Variants in GLIS3 observed in about 807,000 individuals in gnomAD.
GLIS3 encodes zinc finger protein GLIS3.
A neutral mutation model predicts 78.6 loss-of-function variants in GLIS3; 53 were observed. That is an observed-to-expected ratio of 0.67 (90% CI 0.54 to 0.85). GLIS3 has a LOEUF of 0.85. GLIS3 is among the 40% of genes least tolerant of loss of function. The probability of loss-of-function intolerance (pLI) is 0.00; values close to 1 mark genes in which losing one functional copy is unlikely to be tolerated. For missense variants in GLIS3, 1,703 were observed against 1,231.1 expected (o/e 1.38, Z -5.74); for synonymous variants, 684 against 509.9 (o/e 1.34, Z -4.60).
intron 2 of GLIS3, among the ~76,000 whole-genome samples, chr9:4,276,554 G>GACGGA (rs1827043213): frequency 8.5e-6 from 1 of 117,728 alleles, no homozygotes; most frequent in Non-Finnish European, 1.8e-5. Flanking sequence ...AAGGGGAGGG[G>GACGGA]AGGGGAGGGG....
At chr9:4,317,372 A>T (rs1817451563) in intron 2 of GLIS3, among the ~76,000 whole-genome samples, 1 of 152,208 alleles carries the variant, frequency 6.6e-6, no homozygotes, top group South Asian at 2.1e-4. Context: ...CGATTTAATC[A>T]CTGTGGGATG....
At chr9:4,369,465 G>A in the GLIS3 span, among the ~76,000 whole-genome samples, 1 of 152,200 alleles carries the variant, frequency 6.6e-6, no homozygotes, top group Non-Finnish European at 1.5e-5. Flanking sequence ...CTGTTATATA[G>A]TTTCTAGGAC....
chr9:4,202,680 C>G (rs981257280), intron 2 of GLIS3, among the ~76,000 whole-genome samples: 9 of 152,070 alleles, frequency 5.9e-5, no homozygotes, highest in African/African-American at 1.9e-4. Context: ...CTGTAACCAT[C>G]AGATCTTTGA....
intron 4 of GLIS3, among the ~76,000 whole-genome samples, chr9:3,953,071 GT>G (rs1360046319): frequency 6.6e-6 from 1 of 152,016 alleles, no homozygotes. Flanking sequence ...ACCACTTCTT[GT>G]TTTTTTCTGG....
intron 4 of GLIS3, among the ~76,000 whole-genome samples, chr9:3,965,610 C>A (rs1817883382): frequency 6.6e-6 from 1 of 152,170 alleles, no homozygotes; most frequent in Admixed American, 6.6e-5. Context: ...AAGGTTTAAA[C>A]CTTCTAACCT....
rs377041226 is a variant in GLIS3 at position 4,009,332 on chromosome 9, A to T, written c.1711-72143T>A. On this transcript the variant is annotated intron_variant, in intron 4 of 10. Transcript: ENST00000381971. ...TTATTGTTTATTGTGACAGCCGACAAGCCAGCTGGCACAGATCACTCCTCA... is the reference window on the plus strand; with the variant it reads ...TTATTGTTTATTGTGACAGCCGACATGCCAGCTGGCACAGATCACTCCTCA... 5.3e-5 allele frequency among the ~76,000 whole-genome samples: 8 copies of T among 152,192 alleles called. No homozygotes were observed. The East Asian group carries it at 1.3e-3, about 26-fold the overall frequency.
At position 4,321,346 on chromosome 9, in the gene GLIS3, C is replaced by T. The variant is rs1408089768; in HGVS notation, n.265-10818G>A. ...CTGAGGCAGGAGAATGGCGTGAACC[C>T]AGGAGGCGGAGCTTGCAGGGAGCCG... On this transcript the variant is annotated intron_variant and non_coding_transcript_variant, in intron 2 of 4. Coordinates refer to the GLIS3 transcript ENST00000471664. Among the ~76,000 whole-genome samples the T allele has an allele frequency of 3.3e-5, 4 of 119,858 alleles. 1 individual carries two copies. The highest frequency in any genetic ancestry group is 1.8e-4 in the Admixed American group (2 of 11,106). The allele number at this position is 119,858 out of a possible 152,430, so 78.6% of individuals were successfully genotyped here. A position where few individuals can be genotyped will look rare whatever the true frequency, so the allele number is the denominator to read the frequency against.
At chr9:4,285,955 C>G (rs1827951199) in intron 2 of GLIS3, 83 bp downstream of exon 2, 1 of 1,504,180 alleles carries the variant, frequency 6.6e-7, no homozygotes, top group Non-Finnish European at 9.2e-7. Flanking sequence ...ATGTATTTTT[C>G]CATAGGATTT....
intron 6 of GLIS3, among the ~76,000 whole-genome samples, chr9:3,913,941 G>A (rs563071696): frequency 4.6e-5 from 7 of 152,200 alleles, no homozygotes; most frequent in Admixed American, 2.6e-4. Flanking sequence ...ATGAGCCAAT[G>A]GCTGCTGAGT....
intron 2 of GLIS3, among the ~76,000 whole-genome samples, chr9:4,249,447 G>T (rs1172602610): frequency 1.3e-5 from 2 of 152,176 alleles, no homozygotes; most frequent in Non-Finnish European, 2.9e-5. Flanking sequence ...AGGAATGCTT[G>T]TGATTTCTGC....
At chr9:3,892,101 G>T (rs985416529) in intron 7 of GLIS3, among the ~76,000 whole-genome samples, 2 of 152,074 alleles carry the variant, frequency 1.3e-5, no homozygotes, top group African/African-American at 4.8e-5. Flanking sequence ...GAAACGCCAG[G>T]GTAAGACTCA....
chr9:4,193,578 G>A (rs1264968700), intron 2 of GLIS3, among the ~76,000 whole-genome samples: 1 of 152,190 alleles, frequency 6.6e-6, no homozygotes, highest in Admixed American at 6.5e-5. Flanking sequence ...GGAATGCAAA[G>A]GGCAGGGCAG....
chr9:3,961,976 A>T (rs1483179332), intron 4 of GLIS3, among the ~76,000 whole-genome samples: 1 of 152,186 alleles, frequency 6.6e-6, no homozygotes, highest in Non-Finnish European at 1.5e-5. Context: ...AGGCCGAGGC[A>T]GGCGGATTGC....
intron 4 of GLIS3, among the ~76,000 whole-genome samples, chr9:4,040,003 AG>A (rs1824665153): frequency 6.6e-6 from 1 of 152,226 alleles, no homozygotes; most frequent in Non-Finnish European, 1.5e-5. Context: ...AGGAGAGCCA[AG>A]AGAAGTCCTA....
At chr9:4,370,167 G>C in the GLIS3 span, among the ~76,000 whole-genome samples, 1 of 113,724 alleles carries the variant, frequency 8.8e-6, no homozygotes, top group Non-Finnish European at 1.6e-5. Flanking sequence ...CTAGGCGACA[G>C]AGCAAGACTC....
intron 4 of GLIS3, among the ~76,000 whole-genome samples, chr9:3,966,897 G>A (rs188269707): frequency 1.1e-4 from 17 of 150,506 alleles, no homozygotes; most frequent in Admixed American, 1.1e-3. Flanking sequence ...ACTGAGGTCT[G>A]CAACTCTCAC....
At chr9:4,395,044 A>C in the GLIS3 span, among the ~76,000 whole-genome samples, 1 of 152,196 alleles carries the variant, frequency 6.6e-6, no homozygotes, top group Non-Finnish European at 1.5e-5. Context: ...AGTATCTATA[A>C]TGGTGTACAA....
chr9:3,887,653 G>C (rs1332404144), intron 7 of GLIS3, among the ~76,000 whole-genome samples: 3 of 152,144 alleles, frequency 2.0e-5, no homozygotes, highest in Non-Finnish European at 2.9e-5. Flanking sequence ...GTGTGGAAGA[G>C]GATACAGGTT....
intron 3 of GLIS3, chr9:4,123,850 G>C (rs1487232632): frequency 5.0e-6 from 2 of 398,138 alleles, no homozygotes; most frequent in Non-Finnish European, 4.4e-6. Flanking sequence ...ATTTTCTACA[G>C]TGAATAAGAA....
Sources: gnomAD v4.1 joint callset for allele counts (sites outside exome capture counted in the v4.1 genomes callset) on GRCh38, gnomAD v4.1.1 for gene constraint, MANE v1.5 for transcripts, NCBI Gene and HGNC (gene_info 2026-07-23, HGNC 2026-07-21) for gene names.